Variants in TANC2 observed in about 807,000 individuals in gnomAD.
The protein encoded by TANC2 is tetratricopeptide repeat, ankyrin repeat and coiled-coil containing 2.
In TANC2, 26 loss-of-function variants were observed where a neutral mutation model predicts 210.5. The observed-to-expected ratio is 0.12, with a 90% confidence interval of 0.09 to 0.17. The LOEUF is 0.17. Among genes scored for constraint, TANC2 ranks in the 10% least tolerant of loss-of-function variants. TANC2 has a pLI of 1.00. For synonymous variants in TANC2, 931 were observed against 967.1 expected, an observed-to-expected ratio of 0.96 and a Z score of 0.69; for missense variants, 2,129 against 2,608.9, an observed-to-expected ratio of 0.82 and a Z score of 4.01.
rs537859846 is a variant in TANC2, at chr17:63,345,879, G to A, written c.1808-5371G>A. On this transcript the variant is annotated intron_variant, in intron 12 of 27. Transcript: ENST00000689528. Reference sequence around the variant, plus strand: ...AAAGTTTAGCAATCAGCTCTCATGAGCCAGCTTGAGTCAGGTCCAAAATTC... The same window carrying A: ...AAAGTTTAGCAATCAGCTCTCATGAACCAGCTTGAGTCAGGTCCAAAATTC... Among the ~76,000 whole-genome samples the A allele has an allele frequency of 2.0e-5, 3 of 152,260 alleles. No individual in the cohort carries two copies. The East Asian group carries it at 5.8e-4, about 29-fold the overall frequency.
At chr17:63,330,374 A>T (rs2045796728) in intron 11 of TANC2, among the ~76,000 whole-genome samples, 1 of 152,238 alleles carries the variant, frequency 6.6e-6, no homozygotes, top group Non-Finnish European at 1.5e-5. Flanking sequence ...CTACACTTAA[A>T]CCATAGATTT....
chr17:63,256,319 A>G (rs2043194904), intron 8 of TANC2, among the ~76,000 whole-genome samples: 1 of 152,174 alleles, frequency 6.6e-6, no homozygotes, highest in South Asian at 2.1e-4. Flanking sequence ...ATTTGTTTCA[A>G]GAAATCTGTT....
chr17:63,311,906 G>A (rs1267246251), intron 9 of TANC2, among the ~76,000 whole-genome samples: 1 of 152,186 alleles, frequency 6.6e-6, no homozygotes, highest in Non-Finnish European at 1.5e-5. Context: ...TACAGGCAAA[G>A]TAGATTACTG....
chr17:63,351,558 A>G (rs1343536798), intron 13 of TANC2, 142 bp downstream of exon 13: 2 of 635,260 alleles, frequency 3.1e-6, no homozygotes, highest in Non-Finnish European at 4.8e-6. Context: ...TTAATCTAAT[A>G]TTTTGAGAGA....
At chr17:63,084,113 G>C (rs1462647329) in intron 3 of TANC2, among the ~76,000 whole-genome samples, 1 of 152,078 alleles carries the variant, frequency 6.6e-6, no homozygotes, top group Admixed American at 6.6e-5. Context: ...ATCTGGGCCT[G>C]GTGCTTTCTG....
chr17:63,362,241 ATCTCTG>A (rs1156358936), intron 14 of TANC2, among the ~76,000 whole-genome samples: 4 of 152,192 alleles, frequency 2.6e-5, no homozygotes, highest in Non-Finnish European at 5.9e-5. Flanking sequence ...AGGTTGTCTC[ATCTCTG>A]TGAGTTTGGC....
At chr17:63,088,275 G>C (rs1444719302) in intron 3 of TANC2, 1 of 152,026 alleles carries the variant, frequency 6.6e-6, no homozygotes, top group African/African-American at 2.4e-5. Flanking sequence ...TATCTTTAAA[G>C]GCAAGAAGGA....
chr17:63,011,191 A>G (rs559960467), intron 2 of TANC2, among the ~76,000 whole-genome samples: 1 of 152,206 alleles, frequency 6.6e-6, no homozygotes, highest in East Asian at 1.9e-4. Context: ...GTGCCAGGAA[A>G]TGAGCAGAGA....
chr17:63,138,969 T>C (rs1366829784), intron 4 of TANC2, among the ~76,000 whole-genome samples: 1 of 152,200 alleles, frequency 6.6e-6, no homozygotes, highest in East Asian at 1.9e-4. Flanking sequence ...TTTTGACCTC[T>C]GACTATGCCA....
intron 2 of TANC2, among the ~76,000 whole-genome samples, chr17:63,055,963 A>C (rs2035760423): frequency 3.6e-5 from 1 of 27,520 alleles, no homozygotes; most frequent in Non-Finnish European, 6.5e-5. Context: ...CCTCATCTCT[A>C]CCAAAAAAAA....
intron 4 of TANC2, among the ~76,000 whole-genome samples, chr17:63,109,024 C>T (rs2037932312): frequency 6.7e-6 from 1 of 149,792 alleles, no homozygotes; most frequent in African/African-American, 2.5e-5. Context: ...AAACAGAAAC[C>T]AAAATTGAAA....
At chr17:63,007,579 T>G (rs2033676744) in intron 1 of TANC2, among the ~76,000 whole-genome samples, 1 of 152,216 alleles carries the variant, frequency 6.6e-6, no homozygotes, top group South Asian at 2.1e-4. Context: ...ACTTATTCTT[T>G]TTATCTCCTC....
chr17:63,196,902 C>T (rs1306876653), intron 6 of TANC2, among the ~76,000 whole-genome samples: 1 of 152,078 alleles, frequency 6.6e-6, no homozygotes, highest in Non-Finnish European at 1.5e-5. Flanking sequence ...AAACACACTG[C>T]CAGAAAGTGA....
intron 3 of TANC2, among the ~76,000 whole-genome samples, chr17:63,092,583 G>A (rs149986514): frequency 4.9e-4 from 75 of 152,096 alleles, no homozygotes; most frequent in Non-Finnish European, 1.0e-3. Flanking sequence ...TCATGGTGCT[G>A]GCATCTGCTT....
chr17:63,155,706 G>A (rs868132263), intron 5 of TANC2, among the ~76,000 whole-genome samples: 3 of 152,046 alleles, frequency 2.0e-5, no homozygotes, highest in African/African-American at 7.2e-5. Flanking sequence ...CTTAAAAAAC[G>A]GTAGTGTCTT....
At chr17:63,144,682 A>T (rs1476041759) in intron 4 of TANC2, among the ~76,000 whole-genome samples, 1 of 152,064 alleles carries the variant, frequency 6.6e-6, no homozygotes, top group Non-Finnish European at 1.5e-5. Context: ...CATGTACTTC[A>T]TTTTTTTATA....
At position 63,379,759 on chromosome 17, in the gene TANC2, A is replaced by C. The variant is rs766010730; in HGVS notation, c.2624A>C (p.Glu875Ala). ...CTTGCCTTCTGGTTTTCCCGCCAAG[A>C]GGGAAAACTAAACCGACAGCAGACT... Residue 875 changes from glutamate to alanine, a missense_variant, in exon 15 of 28, where the codon GAG becomes GCG. By Grantham distance (107) the Glu-to-Ala change is moderately radical. This residue lies in a region of TANC2 where 644 missense variants were observed against 937.5 expected (regional missense o/e 0.69). Transcript: ENST00000689528. 3 of 1,613,116 alleles carry C rather than the reference A, an allele frequency of 1.9e-6. No individual in the cohort carries two copies. In the Admixed American group the frequency reaches 5.0e-5, roughly 27 times the overall value.
intron 21 of TANC2, among the ~76,000 whole-genome samples, chr17:63,407,840 A>G (rs2048562774): frequency 6.6e-6 from 1 of 152,230 alleles, no homozygotes; most frequent in African/African-American, 2.4e-5. Flanking sequence ...TTTTGTATTT[A>G]GGGAGAGGAA....
chr17:63,008,054 G>A (rs79248841), intron 1 of TANC2, among the ~76,000 whole-genome samples: 4,272 of 142,636 alleles, frequency 0.03, 217 homozygotes, highest in African/African-American at 0.1. Flanking sequence ...ACTGTTGAAA[G>A]TATCTTTCAG....
Sources: gnomAD v4.1 joint callset for allele counts (sites outside exome capture counted in the v4.1 genomes callset) on GRCh38, gnomAD v4.1.1 for gene constraint, gnomAD v4.1.1 regional missense constraint, MANE v1.5 for transcripts, NCBI Gene and HGNC (gene_info 2026-07-23, HGNC 2026-07-21) for gene names.